The following PCDH15 variants were observed in gnomAD, a reference collection of about 807,000 sequenced individuals.
The protein encoded by PCDH15 is protocadherin related 15, also known as protocadherin-15.
In PCDH15, 129 loss-of-function variants were observed where a neutral mutation model predicts 178.5. The ratio of observed to expected loss-of-function variants is 0.72; its 90% CI spans 0.63 to 0.84. The LOEUF (loss-of-function observed/expected upper bound fraction) is 0.84, where lower values mean the gene tolerates loss of function less well. PCDH15 is among the 40% of genes least tolerant of loss of function. PCDH15 has a pLI of 0.00. For missense variants in PCDH15, 2,230 were observed against 2,099.9 expected, an observed-to-expected ratio of 1.06 and a Z score of -1.21; for synonymous variants, 800 against 732.0, an observed-to-expected ratio of 1.09 and a Z score of -1.50.
intron 1 of PCDH15, among the ~76,000 whole-genome samples, chr10:54,708,004 T>C (rs1299050311): frequency 2.6e-5 from 4 of 152,188 alleles, no homozygotes; most frequent in Non-Finnish European, 5.9e-5. Flanking sequence ...AGTAAATAAG[T>C]CAGAGTTTAT....
chr10:54,522,227 A>G (rs2082956953), intron 3 of PCDH15, among the ~76,000 whole-genome samples: 1 of 152,058 alleles, frequency 6.6e-6, no homozygotes, highest in South Asian at 2.1e-4. Context: ...TTTGTAAATT[A>G]TATGTTACTA....
intron 2 of PCDH15, among the ~76,000 whole-genome samples, chr10:55,603,386 A>G (rs1843132384): frequency 6.6e-6 from 1 of 151,406 alleles, no homozygotes; most frequent in South Asian, 2.1e-4. Flanking sequence ...TTCAGGAAAT[A>G]CAGAGAACGC....
chr10:54,846,198 T>A (rs1840337), intron 3 of PCDH15, among the ~76,000 whole-genome samples: 1 of 152,230 alleles, frequency 6.6e-6, no homozygotes, highest in South Asian at 2.1e-4. Flanking sequence ...GAAAATAATG[T>A]TTCAATGTAA....
chr10:54,313,163 T>C (rs2061011725), intron 8 of PCDH15, among the ~76,000 whole-genome samples: 1 of 152,102 alleles, frequency 6.6e-6, no homozygotes, highest in Non-Finnish European at 1.5e-5. Context: ...GACCTCCTTT[T>C]TTTACTGGCA....
In PCDH15 at chr10:54,388,393, A is replaced by T. The variant is rs527373893; in HGVS notation, c.158-9451T>A. ...AATTATTCACGAAGATCATTAAGTA[A>T]GATAGGAAGAGAGATCACTTTCATC... On this transcript the variant is annotated intron_variant, in intron 3 of 37. Coordinates refer to ENST00000644397, the MANE Select transcript of PCDH15 (RefSeq NM_001384140.1). Among the ~76,000 whole-genome samples, 19 of 152,304 alleles carry T rather than the reference A, an allele frequency of 1.2e-4. 1 individual carries two copies. In the East Asian group the frequency reaches 3.5e-3, roughly 28 times the overall value.
rs1040760091 is a variant in PCDH15 at position 53,806,305 on chromosome 10, A to C, written c.*274T>G. On this transcript the variant is annotated 3_prime_UTR_variant, in exon 38 of 38. Coordinates refer to ENST00000644397, the MANE Select transcript of PCDH15 (RefSeq NM_001384140.1). ...TTAGTAATTATTTCTTGTTTATTAA[A>C]ATGAACAAAAATTCAAGACCCAACA... 1.3e-5 allele frequency: 4 copies of C among 313,220 alleles called. No individual in the cohort carries two copies. Among genetic ancestry groups the C allele is most frequent in the Admixed American group, 4.4e-5 (1 of 22,566 alleles). 19.4% of individuals were successfully genotyped at this position (313,220 alleles called of 1,614,324 possible).
intron 25 of PCDH15, among the ~76,000 whole-genome samples, chr10:53,934,122 C>A (rs183504760): frequency 2.4e-3 from 371 of 151,608 alleles, no homozygotes; most frequent in Middle Eastern, 3.4e-3. Context: ...GTAATGTGCT[C>A]TAATACAAAG....
Position 54,023,074 on chromosome 10 carries a change from T to C in PCDH15, c.2344A>G (p.Arg782Gly). The change falls in exon 19 of 38, where the codon AGG becomes GGG. Residue 782 changes from arginine to glycine, a missense_variant. By Grantham distance (125) the Arg-to-Gly change is moderately radical (BLOSUM62 -2). Transcript: ENST00000644397. ...ACAACAACAAGTTCATAGTAGTCCC[T>C]GACTTCTCTGTTAAGCTTCACTGCT... ...YTAVKLNREV[R>G]DYYELVVVAT... is the part of the protein sequence containing the mutation. 6.2e-7 allele frequency: 1 copy of C among 1,614,016 alleles called. No individual in the cohort carries two copies. The highest frequency in any genetic ancestry group is 8.5e-7 in the Non-Finnish European group (1 of 1,179,916).
chr10:53,903,473 A>G (rs1324910384), intron 25 of PCDH15, 103 bp from the exon 26 acceptor site: 3 of 1,401,452 alleles, frequency 2.1e-6, no homozygotes, highest in Non-Finnish European at 2.0e-6. Flanking sequence ...AACATTGAAA[A>G]TAAATCAAAA....
intron 2 of PCDH15, chr10:54,607,844 C>G (rs765781988): frequency 3.8e-6 from 2 of 528,372 alleles, no homozygotes; most frequent in Non-Finnish European, 7.7e-6. Context: ...TGCCATGAGG[C>G]CTACTGTGAG....
chr10:54,673,069 T>C (rs2094705937), intron 1 of PCDH15, among the ~76,000 whole-genome samples: 1 of 152,010 alleles, frequency 6.6e-6, no homozygotes, highest in Admixed American at 6.6e-5. Flanking sequence ...TGGTAAAGCA[T>C]GTCATTTAAA....
intron 1 of PCDH15, among the ~76,000 whole-genome samples, chr10:55,175,439 T>G (rs902427762): frequency 2.0e-5 from 3 of 151,164 alleles, no homozygotes; most frequent in Non-Finnish European, 4.4e-5. Flanking sequence ...TAGAGGTGGG[T>G]GAATCACAAG....
At chr10:54,404,366 A>G (rs1432061282) in intron 3 of PCDH15, among the ~76,000 whole-genome samples, 4 of 152,054 alleles carry the variant, frequency 2.6e-5, no homozygotes, top group African/African-American at 4.8e-5. Context: ...AAACAAGGTC[A>G]CATGCCTCCA....
chr10:55,318,221 C>CGA (rs369092559), intron 1 of PCDH15, among the ~76,000 whole-genome samples: 6 of 151,036 alleles, frequency 4.0e-5, no homozygotes, highest in Admixed American at 6.6e-5. Context: ...AAAAAACACA[C>CGA]GAGAGAGAGA....
intron 3 of PCDH15, among the ~76,000 whole-genome samples, chr10:54,846,040 C>T (rs1953503171): frequency 6.6e-6 from 1 of 151,990 alleles, no homozygotes; most frequent in African/African-American, 2.4e-5. Flanking sequence ...TATTCTTATA[C>T]TAATTACTTA....
intron 2 of PCDH15, among the ~76,000 whole-genome samples, chr10:55,145,552 T>C (rs1838484581): frequency 6.6e-6 from 1 of 151,962 alleles, no homozygotes; most frequent in South Asian, 2.1e-4. Flanking sequence ...AAACTTTTTC[T>C]ACTTTATTAA....
intron 2 of PCDH15, among the ~76,000 whole-genome samples, chr10:55,474,526 C>T (rs972159046): frequency 1.3e-5 from 2 of 152,140 alleles, no homozygotes; most frequent in Non-Finnish European, 2.9e-5. Context: ...AATCTGTCTC[C>T]ATCTCTGACT....
intron 20 of PCDH15, among the ~76,000 whole-genome samples, chr10:54,003,740 A>C (rs2092273132): frequency 8.1e-5 from 2 of 24,596 alleles, no homozygotes; most frequent in Admixed American, 4.5e-4. Context: ...CTATTCCAAA[A>C]AAAAAAAAAA....
chr10:53,923,042 G>A (rs58822754), intron 25 of PCDH15, among the ~76,000 whole-genome samples: 12,432 of 152,064 alleles, frequency 0.082, 1,165 homozygotes, highest in East Asian at 0.25. Context: ...AGCCAAGATC[G>A]TGCCACTGCA....
Sources: allele counts gnomAD v4.1 joint callset (sites outside exome capture counted in the v4.1 genomes callset), GRCh38; gene constraint gnomAD v4.1.1; transcripts MANE v1.5; gene names NCBI Gene and HGNC (gene_info 2026-07-23, HGNC 2026-07-21).